The following OSBPL5 variants were observed in gnomAD, a reference collection of about 807,000 sequenced individuals.
The protein encoded by OSBPL5 is oxysterol binding protein like 5.
In OSBPL5, 71 loss-of-function variants were observed where a neutral mutation model predicts 111.2. The ratio of observed to expected loss-of-function variants is 0.64; its 90% confidence interval spans 0.53 to 0.78. The LOEUF (loss-of-function observed/expected upper bound fraction) is 0.78. OSBPL5 is among the 30% of genes least tolerant of loss of function. The pLI, the probability that OSBPL5 is intolerant of heterozygous loss-of-function variation, is 0.00. For synonymous variants in OSBPL5, 549 were observed against 513.9 expected (o/e 1.07, Z -0.93); for missense variants, 1,210 against 1,189.3 (o/e 1.02, Z -0.26).
intron 1 of OSBPL5, among the ~76,000 whole-genome samples, chr11:3,150,818 G>T (rs1271754333): frequency 6.6e-6 from 1 of 152,138 alleles, no homozygotes; most frequent in African/African-American, 2.4e-5. Context: ...GATCACGCAC[G>T]CCTGCATCTG....
chr11:3,119,815 G>A, intron 6 of OSBPL5, 184 bp from the exon 7 acceptor site: 4 of 544,042 alleles, frequency 7.4e-6, no homozygotes, highest in South Asian at 5.0e-5. Flanking sequence ...GCGGGTAGGT[G>A]GGGGAGCTCT....
At position 3,092,626 on chromosome 11, in the gene OSBPL5, A is replaced by G; in HGVS notation, c.2133-68T>C. On this transcript the variant is annotated intron_variant, in intron 18 of 21. Transcript: ENST00000263650. This position sits in a 1 kb window ranked among gnomAD's most constrained non-coding sequence, Gnocchi z 5.4. ...TCAGGTGAGGGGGCTGTCCTGGCCCAGTCTTCAGCCCCCCAACAGTGGCCA... is the reference window on the plus strand; with the variant it reads ...TCAGGTGAGGGGGCTGTCCTGGCCCGGTCTTCAGCCCCCCAACAGTGGCCA... The G allele has an allele frequency of 6.7e-7, 1 of 1,481,616 alleles. No individual in the cohort carries two copies. The highest frequency in any genetic ancestry group is 9.0e-7 in the Non-Finnish European group (1 of 1,105,668). The allele number at this position is 1,481,616 out of a possible 1,614,324, so 91.8% of individuals were successfully genotyped here.
chr11:3,095,288 G>A (rs1451506566), intron 14 of OSBPL5, among the ~76,000 whole-genome samples: 2 of 145,572 alleles, frequency 1.4e-5, no homozygotes, highest in African/African-American at 5.2e-5. Flanking sequence ...TCTAGCCTGG[G>A]CAACAGAGTG....
intron 7 of OSBPL5, among the ~76,000 whole-genome samples, chr11:3,115,223 A>C (rs1479104244): frequency 6.6e-6 from 1 of 152,214 alleles, no homozygotes; most frequent in Non-Finnish European, 1.5e-5. Context: ...GGCCTAACAG[A>C]TTTTATGTTT....
chr11:3,131,072 G>T (rs1050746430), intron 1 of OSBPL5, among the ~76,000 whole-genome samples: 2 of 152,044 alleles, frequency 1.3e-5, no homozygotes, highest in Non-Finnish European at 2.9e-5. Context: ...GAACCTCCTG[G>T]GGCAGGGAGA....
intron 15 of OSBPL5, 69 bp downstream of exon 15, chr11:3,094,168 T>A: frequency 7.0e-7 from 1 of 1,438,320 alleles, no homozygotes; most frequent in South Asian, 1.2e-5. Context: ...CTGGGGAGAG[T>A]GTGAGGGGGA....
At chr11:3,138,049 C>A (rs1009478045) in intron 1 of OSBPL5, among the ~76,000 whole-genome samples, 1 of 152,192 alleles carries the variant, frequency 6.6e-6, no homozygotes, top group East Asian at 1.9e-4. Context: ...CTGCTGAGGA[C>A]GCAGCATCGA....
rs1847004451 is a variant in OSBPL5, at chr11:3,162,776, G to A, written c.-22+2440C>T. ...AGCTGCAGGCTCGGTAAGTCATCAA[G>A]CAAAGCTGGCATCGAGAACAATATT... On this transcript the variant is annotated intron_variant, in intron 1 of 21. Transcript: ENST00000263650. The surrounding 1 kb of genome is among the most constrained non-coding windows in gnomAD (Gnocchi z 8.1). Among the ~76,000 whole-genome samples the A allele has an allele frequency of 6.6e-6, 1 of 151,964 alleles. No individual in the cohort carries two copies. Among genetic ancestry groups the A allele is most frequent in the Non-Finnish European group, 1.5e-5 (1 of 68,010 alleles).
chr11:3,112,085 G>GTT (rs1858007116), intron 7 of OSBPL5, among the ~76,000 whole-genome samples: 1 of 137,668 alleles, frequency 7.3e-6, no homozygotes, highest in Non-Finnish European at 1.6e-5. Flanking sequence ...ATGTGTGTGT[G>GTT]CATGTGTGTG....
intron 2 of OSBPL5, among the ~76,000 whole-genome samples, chr11:3,127,959 C>G (rs957210328): frequency 6.6e-6 from 1 of 152,232 alleles, no homozygotes; most frequent in African/African-American, 2.4e-5. Context: ...AACTGACCAG[C>G]AGCTGGGACC....
At chr11:3,150,244 C>A (rs1414610170) in intron 1 of OSBPL5, among the ~76,000 whole-genome samples, 1 of 152,176 alleles carries the variant, frequency 6.6e-6, no homozygotes, top group African/African-American at 2.4e-5. Flanking sequence ...GAGCCAGGGT[C>A]CCAAGTCCCC....
chr11:3,105,046 A>G lies in OSBPL5; in HGVS notation c.1060-669T>C, dbSNP rs1323968082. On this transcript the variant is annotated intron_variant, in intron 9 of 21. Transcript: ENST00000263650. The surrounding 1 kb of genome is among the most constrained non-coding windows in gnomAD (Gnocchi z 5.2). ...CATCTAACCCTCACCACAGCTCCAG[A>G]ATACATGACTTGGGGTGGCGGGGCT... 6.6e-6 allele frequency among the ~76,000 whole-genome samples: 1 copy of G among 152,012 alleles called. No homozygotes were observed. The highest frequency in any genetic ancestry group is 2.4e-5 in the African/African-American group (1 of 41,372).
Position 3,140,291 on chromosome 11 carries a change from G to C in OSBPL5, c.-21-11122C>G, listed in dbSNP as rs1244226330. ...CAGCAATGCTCTCTGTGAAGGGCCA[G>C]CATGGTGCCACCCAGGAGTGACACA... On this transcript the variant is annotated intron_variant, in intron 1 of 21. Transcript: ENST00000263650. The surrounding 1 kb of genome is among the most constrained non-coding windows in gnomAD (Gnocchi z 4.5). Among the ~76,000 whole-genome samples the C allele has an allele frequency of 6.6e-6, 1 of 152,212 alleles. No homozygotes were observed. Among genetic ancestry groups the C allele is most frequent in the Non-Finnish European group, 1.5e-5 (1 of 68,030 alleles).
chr11:3,109,866 TTCC>T lies in OSBPL5; in HGVS notation c.692-1924_692-1922del, dbSNP rs1251911336. 6.6e-6 allele frequency among the ~76,000 whole-genome samples: 1 copy of T among 152,176 alleles called. No individual in the cohort carries two copies. The highest frequency in any genetic ancestry group is 2.4e-5 in the African/African-American group (1 of 41,434). The stretch of plus-strand genomic sequence containing the variant: ...CCTTTGAAGCTCATTCCGAGACCTC[TTCC>T]TCCTCTTCCTGGAAGCCCACCCTGA... On this transcript the variant is annotated intron_variant, in intron 7 of 21. Coordinates refer to ENST00000263650, the MANE Select transcript of OSBPL5 (RefSeq NM_020896.4). This position sits in a 1 kb window ranked among gnomAD's most constrained non-coding sequence, Gnocchi z 7.4.
intron 1 of OSBPL5, among the ~76,000 whole-genome samples, chr11:3,150,801 C>T (rs976686304): frequency 6.6e-6 from 1 of 152,160 alleles, no homozygotes; most frequent in Admixed American, 6.5e-5. Context: ...GAACTAAACA[C>T]GACTGTGATC....
At chr11:3,149,474 A>C (rs1846490770) in intron 1 of OSBPL5, among the ~76,000 whole-genome samples, 1 of 152,148 alleles carries the variant, frequency 6.6e-6, no homozygotes, top group South Asian at 2.1e-4. Flanking sequence ...CATCAACATG[A>C]CCAGAGTGCT....
chr11:3,135,092 C>A (rs1369405745), intron 1 of OSBPL5, among the ~76,000 whole-genome samples: 2 of 152,238 alleles, frequency 1.3e-5, no homozygotes, highest in Middle Eastern at 3.2e-3. Context: ...AAGAACGTTT[C>A]CCCAGCTGTC....
chr11:3,120,441 G>T lies in OSBPL5; in HGVS notation c.586C>A (p.Gln196Lys), dbSNP rs1858364334. ...FCFKLFHPLD[Q>K]SVWAVKGPKG... is the part of the protein sequence containing the mutation. ...AGCACCTTCACGGCCCAGACGGACT[G>T]ATCCAGCGGGTGGAAGAGCTTGAAG... is the stretch of plus-strand genomic sequence containing the variant. The change falls in exon 6 of 22, where the codon CAG (glutamine) becomes AAG (lysine). Residue 196 changes from glutamine to lysine, a missense_variant. Transcript: ENST00000263650. The T allele has an allele frequency of 1.2e-6, 2 of 1,613,180 alleles. No homozygotes were observed. Among genetic ancestry groups the T allele is most frequent in the Non-Finnish European group, 1.7e-6 (2 of 1,179,966 alleles).
intron 1 of OSBPL5, among the ~76,000 whole-genome samples, chr11:3,132,551 C>T (rs552547470): frequency 1.4e-3 from 219 of 152,278 alleles, no homozygotes; most frequent in Non-Finnish European, 2.5e-3. Flanking sequence ...TCCCCAAGCC[C>T]TCCCGCCACC....
Sources: gnomAD v4.1 joint callset for allele counts (sites outside exome capture counted in the v4.1 genomes callset) on GRCh38, gnomAD v4.1.1 for gene constraint, Gnocchi (gnomAD v3.1) non-coding constraint, MANE v1.5 for transcripts, NCBI Gene and HGNC (gene_info 2026-07-23, HGNC 2026-07-21) for gene names.